The following FGF10 variants were observed in gnomAD, a reference collection of about 807,000 sequenced individuals.
FGF10 encodes fibroblast growth factor 10, also known as FGF-10.
Under a neutral mutation model 19.8 loss-of-function variants are expected in FGF10, and 2 were observed. The observed-to-expected ratio is 0.10, with a 90% CI of 0.04 to 0.32. The LOEUF (loss-of-function observed/expected upper bound fraction) is 0.32. Ranked by LOEUF, FGF10 falls within the 10% of genes least tolerant of loss-of-function variation. FGF10 has a pLI of 1.00. For missense variants in FGF10, 191 were observed against 246.3 expected (o/e 0.78, Z 1.50); for synonymous variants, 112 against 94.0 (o/e 1.19, Z -1.10).
chr5:44,304,990 T>A lies in FGF10; in HGVS notation c.*5A>T, dbSNP rs111763965. The A allele has an allele frequency of 2.6e-3, 4,181 of 1,613,838 alleles. 81 individuals carry two copies. In the African/African-American group the frequency reaches 0.042, roughly 16 times the overall value. The stretch of plus-strand genomic sequence containing the variant: ...TTCTACTGCATCCACAAACGTTGCC[T>A]TCCTCTATGAGTGTACCACCATTGG... On this transcript the variant is annotated 3_prime_UTR_variant, in exon 3 of 3. Transcript: ENST00000264664.
chr5:44,377,360 AG>A (rs1441637162), intron 1 of FGF10, among the ~76,000 whole-genome samples: 2 of 152,228 alleles, frequency 1.3e-5, no homozygotes, highest in Non-Finnish European at 2.9e-5. Flanking sequence ...TGAGCCAAAA[AG>A]GTCACAGTAA....
intron 1 of FGF10, among the ~76,000 whole-genome samples, chr5:44,353,972 T>C (rs1031022355): frequency 6.6e-6 from 1 of 151,558 alleles, no homozygotes; most frequent in African/African-American, 2.4e-5. Context: ...TTTTTTTCTT[T>C]CATATTGGTA....
In FGF10 at chr5:44,303,498, T is replaced by C. The variant is rs970074127; in HGVS notation, c.*1497A>G. ...ATTGCTTAAAAGTATTTAGAACAAATAGTATTTTTCTACATTTTTAAAATC... is the reference window on the plus strand; with the variant it reads ...ATTGCTTAAAAGTATTTAGAACAAACAGTATTTTTCTACATTTTTAAAATC... On this transcript the variant is annotated 3_prime_UTR_variant, in exon 3 of 3. Transcript: ENST00000264664. The C allele has an allele frequency of 2.6e-5, 4 of 152,120 alleles. No individual in the cohort carries two copies. The highest frequency in any genetic ancestry group is 7.2e-5 in the African/African-American group (3 of 41,422). The allele number at this position is 152,120 out of a possible 1,614,324, so 9.4% of individuals were successfully genotyped here.
At chr5:44,387,424 T>C (rs940113984) in intron 1 of FGF10, among the ~76,000 whole-genome samples, 1 of 152,184 alleles carries the variant, frequency 6.6e-6, no homozygotes, top group East Asian at 1.9e-4. Flanking sequence ...AATGTCACAC[T>C]GTGGGATAAA....
chr5:44,356,769 T>C (rs1214934052), intron 1 of FGF10, among the ~76,000 whole-genome samples: 1 of 151,382 alleles, frequency 6.6e-6, no homozygotes, highest in African/African-American at 2.4e-5. Flanking sequence ...AGTTCTAAAG[T>C]TCTGGTGCTT....
At chr5:44,332,757 A>G (rs547865244) in intron 1 of FGF10, among the ~76,000 whole-genome samples, 39 of 152,250 alleles carry the variant, frequency 2.6e-4, no homozygotes, top group African/African-American at 8.7e-4. Flanking sequence ...TTTGGTATAT[A>G]ATTACTTTAA....
chr5:44,320,546 T>C (rs1740461220), intron 1 of FGF10, among the ~76,000 whole-genome samples: 1 of 152,154 alleles, frequency 6.6e-6, no homozygotes, highest in African/African-American at 2.4e-5. Context: ...CCCACTTAAA[T>C]TATGGGTTCA....
chr5:44,388,803 C>A lies in FGF10; in HGVS notation c.-121G>T. On this transcript the variant is annotated 5_prime_UTR_variant, in exon 1 of 3. Coordinates refer to ENST00000264664, the MANE Select transcript of FGF10 (RefSeq NM_004465.2). The stretch of plus-strand genomic sequence containing the variant: ...TGGCTGCTGGTTAGCTCCCTCTGGG[C>A]GCGGATCTGGCCAGAAGTGAATGCA... 3.0e-6 allele frequency: 3 copies of A among 1,013,550 alleles called. No homozygotes were observed. The highest frequency in any genetic ancestry group is 2.7e-5 in the South Asian group (2 of 73,312). 62.8% of individuals were successfully genotyped at this position (1,013,550 alleles called of 1,614,324 possible).
Position 44,354,624 on chromosome 5 carries a change from T to C in FGF10, c.325+33734A>G, listed in dbSNP as rs572402832. 4.6e-5 allele frequency among the ~76,000 whole-genome samples: 7 copies of C among 151,620 alleles called. 1 individual carries two copies. The South Asian group carries it at 1.5e-3, about 31-fold the overall frequency. ...TCAGAAAGTATCCAAATAGAACCTG[T>C]CCTCATACCAGGGTTAAAATCTCTA... is the stretch of plus-strand genomic sequence containing the variant. On this transcript the variant is annotated intron_variant, in intron 1 of 2. Transcript: ENST00000264664.
intron 1 of FGF10, among the ~76,000 whole-genome samples, chr5:44,373,832 C>G (rs1268240322): frequency 6.6e-6 from 1 of 152,106 alleles, no homozygotes; most frequent in Non-Finnish European, 1.5e-5. Flanking sequence ...ATCCAGGTTT[C>G]TTTATCATGT....
rs1010257871 is a variant in FGF10 at position 44,300,707 on chromosome 5, A to T, written c.*4288T>A. On this transcript the variant is annotated 3_prime_UTR_variant, in exon 3 of 3. Transcript: ENST00000264664. ...ACAACCATTTGGTTTTTGCACCTGC[A>T]GCACTGCTGTCTCCTTGGTGTACTC... Among the ~76,000 whole-genome samples the T allele has an allele frequency of 2.6e-5, 4 of 152,056 alleles. No individual in the cohort carries two copies. The South Asian group carries it at 8.3e-4, about 32-fold the overall frequency.
chr5:44,364,277 TG>T (rs1741555423), intron 1 of FGF10, among the ~76,000 whole-genome samples: 1 of 151,836 alleles, frequency 6.6e-6, no homozygotes, highest in Non-Finnish European at 1.5e-5. Flanking sequence ...TGACAGGCAT[TG>T]TCATAATCAA....
intron 1 of FGF10, among the ~76,000 whole-genome samples, chr5:44,322,912 C>G (rs72763180): frequency 3.3e-5 from 5 of 151,636 alleles, no homozygotes; most frequent in African/African-American, 1.2e-4. Flanking sequence ...TGACTGAATC[C>G]CCCTGACACC....
Position 44,302,282 on chromosome 5 carries a change from G to GCTTCCTTCCTTCCTTC in FGF10, c.*2697_*2712dup, listed in dbSNP as rs56194673. Among the ~76,000 whole-genome samples the GCTTCCTTCCTTCCTTC allele has an allele frequency of 6.5e-4, 80 of 122,202 alleles. No homozygotes were observed. The highest frequency in any genetic ancestry group is 2.2e-3 in the African/African-American group (68 of 31,154). The allele number at this position is 122,202 out of a possible 152,430, so 80.2% of individuals were successfully genotyped here. On this transcript the variant is annotated 3_prime_UTR_variant, in exon 3 of 3. Transcript: ENST00000264664. ...TCTTTCCTTCCTTCCTTCTTTCCTT[G>GCTTCCTTCCTTCCTTC]CTTCCTTCCTTCCTTCCTTCCTTCC...
At chr5:44,382,998 A>G (rs981200000) in intron 1 of FGF10, among the ~76,000 whole-genome samples, 7 of 152,106 alleles carry the variant, frequency 4.6e-5, no homozygotes, top group African/African-American at 1.4e-4. Context: ...CACATATATT[A>G]CTCTTCTTTC....
chr5:44,306,029 C>T (rs945742448), intron 2 of FGF10, among the ~76,000 whole-genome samples: 6 of 152,182 alleles, frequency 3.9e-5, no homozygotes, highest in African/African-American at 1.2e-4. Context: ...GCTTCGCTCT[C>T]ACTCACTCCA....
At chr5:44,372,816 T>C in intron 1 of FGF10, among the ~76,000 whole-genome samples, 1 of 152,178 alleles carries the variant, frequency 6.6e-6, no homozygotes. Context: ...TCCCAAGCAA[T>C]TTCAAAATCC....
chr5:44,316,130 C>T (rs1036710713), intron 1 of FGF10, among the ~76,000 whole-genome samples: 1 of 152,066 alleles, frequency 6.6e-6, no homozygotes, highest in Non-Finnish European at 1.5e-5. Flanking sequence ...CTACTGTGAA[C>T]AATGCAAGGA....
intron 1 of FGF10, among the ~76,000 whole-genome samples, chr5:44,319,989 T>A (rs1044687719): frequency 1.3e-5 from 2 of 152,120 alleles, no homozygotes; most frequent in Admixed American, 6.5e-5. Flanking sequence ...CGTTACTGCC[T>A]GATCTCTGCC....
Sources: allele counts gnomAD v4.1 joint callset (sites outside exome capture counted in the v4.1 genomes callset), GRCh38; gene constraint gnomAD v4.1.1; transcripts MANE v1.5; gene names NCBI Gene and HGNC (gene_info 2026-07-23, HGNC 2026-07-21).